Variants in TRIM37 observed in about 807,000 individuals in gnomAD.
TRIM37 encodes the protein E3 ubiquitin-protein ligase TRIM37.
In TRIM37, 80 loss-of-function variants were observed where a neutral mutation model predicts 129.8. That is an observed-to-expected ratio of 0.62 (90% CI 0.51 to 0.74). The LOEUF is 0.74. Ranked by LOEUF, TRIM37 falls within the 30% of genes least tolerant of loss-of-function variation. The pLI is 0.00. For synonymous variants in TRIM37, 389 were observed against 387.1 expected (o/e 1.00, Z -0.06); for missense variants, 1,054 against 1,176.5 (o/e 0.90, Z 1.52).
intron 13 of TRIM37, among the ~76,000 whole-genome samples, chr17:59,053,594 T>C (rs1007470239): frequency 2.0e-5 from 3 of 152,186 alleles, no homozygotes; most frequent in African/African-American, 7.2e-5. Context: ...CAGGAATTTG[T>C]TTCTGTACTA....
intron 22 of TRIM37, among the ~76,000 whole-genome samples, chr17:59,004,377 ATAATC>A (rs1307963537): frequency 5.9e-5 from 9 of 152,146 alleles, no homozygotes; most frequent in Non-Finnish European, 8.8e-5. Context: ...TCTCAAATCA[ATAATC>A]TAAACTACTA....
chr17:59,048,777 C>T (rs929852378), intron 15 of TRIM37, among the ~76,000 whole-genome samples: 2 of 151,996 alleles, frequency 1.3e-5, no homozygotes, highest in African/African-American at 4.8e-5. Flanking sequence ...TTGTATTTTT[C>T]GTAGAGACAG....
intron 19 of TRIM37, among the ~76,000 whole-genome samples, chr17:59,020,577 A>C (rs1567994445): frequency 6.6e-6 from 1 of 152,186 alleles, no homozygotes. Flanking sequence ...GAAGTATGAG[A>C]AAACTACATC....
chr17:59,100,206 T>G (rs912929660), intron 2 of TRIM37, among the ~76,000 whole-genome samples: 1 of 152,180 alleles, frequency 6.6e-6, no homozygotes, highest in Non-Finnish European at 1.5e-5. Flanking sequence ...CTTGGCAATT[T>G]TCAAAATGTT....
intron 2 of TRIM37, among the ~76,000 whole-genome samples, chr17:59,093,374 G>A (rs1222208489): frequency 6.6e-6 from 1 of 152,046 alleles, no homozygotes; most frequent in Non-Finnish European, 1.5e-5. Context: ...CTATAACCCA[G>A]CAAGGTAATG....
At chr17:58,973,223 C>T in the TRIM37 span, among the ~76,000 whole-genome samples, 17 of 152,042 alleles carry the variant, frequency 1.1e-4, no homozygotes, top group East Asian at 1.9e-4. Context: ...CAAGACCAGC[C>T]TGGCCAACAT....
intron 21 of TRIM37, 90 bp from the exon 22 acceptor site, chr17:59,012,536 G>T: frequency 1.1e-6 from 1 of 886,630 alleles, no homozygotes; most frequent in Non-Finnish European, 1.9e-6. Context: ...AACTAAGTAG[G>T]GTACGTGCTC....
At position 59,028,642 on chromosome 17, in the gene TRIM37, C is replaced by T; in HGVS notation, c.2030G>A (p.Arg677Lys). The T allele has an allele frequency of 6.2e-7, 1 of 1,614,190 alleles. No homozygotes were observed. The highest frequency in any genetic ancestry group is 8.5e-7 in the Non-Finnish European group (1 of 1,180,030). ...AACTTCGGCCATTTGAGTTTTGAGT[C>T]TTTTTAGCATCTTTAAATCAGAGGG... ...RVPSDLKMLK[R>K]LKTQMAEVRC... Residue 677 changes from arginine (R) to lysine (K), a missense_variant, in exon 19 of 24, where the codon AGA becomes AAA. Coordinates refer to ENST00000262294, the MANE Select transcript of TRIM37 (RefSeq NM_015294.6).
the TRIM37 span, chr17:58,969,579 A>G: frequency 1.2e-6 from 2 of 1,614,170 alleles, no homozygotes; most frequent in Non-Finnish European, 1.7e-6. Context: ...TTTGATGGCC[A>G]TGGGGGAGTA....
the TRIM37 span, chr17:58,969,484 C>T: frequency 6.5e-7 from 1 of 1,540,082 alleles, no homozygotes; most frequent in South Asian, 1.1e-5. Flanking sequence ...GAGATTGGTT[C>T]ATTTGAATCA....
chr17:58,994,210 GACAC>G (rs144596969), downstream of TRIM37, among the ~76,000 whole-genome samples: 1 of 151,906 alleles, frequency 6.6e-6, no homozygotes, highest in Non-Finnish European at 1.5e-5. Flanking sequence ...CAGTCATAGT[GACAC>G]ACACACACAG....
chr17:58,973,553 G>A, the TRIM37 span, among the ~76,000 whole-genome samples: 4 of 151,910 alleles, frequency 2.6e-5, no homozygotes, highest in South Asian at 4.1e-4. Context: ...AGTGGCTCAC[G>A]CCTGTAATCC....
chr17:59,056,935 C>T lies in TRIM37; in HGVS notation c.1139G>A (p.Arg380His), dbSNP rs1264456708. 8.1e-6 allele frequency: 13 copies of T among 1,613,548 alleles called. No homozygotes were observed. Among genetic ancestry groups the T allele is most frequent in the East Asian group, 2.2e-5 (1 of 44,828 alleles). ...GECWGYNRFFRLDLLANEGYL... is the reference protein window; with the variant it reads ...GECWGYNRFFHLDLLANEGYL... Reference sequence around the variant, plus strand: ...TCCTTCATTTGCGAGTAAGTCCAAACGGAAAAATCTATTATAGCCCCAGCA... The same window carrying T: ...TCCTTCATTTGCGAGTAAGTCCAAATGGAAAAATCTATTATAGCCCCAGCA... Residue 380 changes from arginine (R) to histidine (H), a missense_variant, in exon 13 of 24, where the codon CGT becomes CAT. Physicochemically the swap from Arg to His is conservative, Grantham distance 29. This residue lies in a region of TRIM37 where 752 missense variants were observed against 870.8 expected (regional missense o/e 0.86). Transcript: ENST00000262294.
In TRIM37 at chr17:59,087,971, C is replaced by T; in HGVS notation, c.281+320G>A. 3 of 517,130 alleles carry T rather than the reference C, an allele frequency of 5.8e-6. No individual in the cohort carries two copies. The East Asian group carries it at 9.9e-5, about 17-fold the overall frequency. The allele number at this position is 517,130 out of a possible 1,614,324, so 32.0% of individuals were successfully genotyped here. ...CTTAAATGACTTAACACTGTATTAT[C>T]ACTGTGTCCCCATTAAACAGTTAAC... On this transcript the variant is annotated intron_variant, in intron 4 of 23. Coordinates refer to ENST00000262294, the MANE Select transcript of TRIM37 (RefSeq NM_015294.6).
At chr17:59,097,163 G>A (rs540425991) in intron 2 of TRIM37, among the ~76,000 whole-genome samples, 3 of 152,042 alleles carry the variant, frequency 2.0e-5, no homozygotes, top group Non-Finnish European at 2.9e-5. Context: ...CATAGTCAAC[G>A]ATTCAAAGGC....
intron 21 of TRIM37, 21 bp from the exon 22 acceptor site, chr17:59,012,467 G>A (rs1195233594): frequency 1.4e-6 from 2 of 1,469,078 alleles, no homozygotes; most frequent in South Asian, 2.3e-5. Context: ...AAAACAACTT[G>A]ATATTTCTCT....
At chr17:59,099,648 A>G (rs2045269740) in intron 2 of TRIM37, among the ~76,000 whole-genome samples, 1 of 152,170 alleles carries the variant, frequency 6.6e-6, no homozygotes, top group Non-Finnish European at 1.5e-5. Flanking sequence ...CAACAGAGAA[A>G]CGCTAACTAA....
At chr17:59,001,238 ATTC>A (rs1667362569) in intron 23 of TRIM37, among the ~76,000 whole-genome samples, 1 of 151,742 alleles carries the variant, frequency 6.6e-6, no homozygotes, top group South Asian at 2.1e-4. Flanking sequence ...CACAAAGAAA[ATTC>A]TTCTTTGTTT....
In TRIM37 at chr17:59,015,786, G is replaced by C. The variant is rs1472556210; in HGVS notation, c.2400C>G (p.Ser800Arg). Residue 800 changes from serine (S) to arginine (R), a missense_variant, in exon 21 of 24, where the codon AGC (serine) becomes AGG (arginine). Transcript: ENST00000262294. ...AACTGTGCCTGCTCCCAGACTGAGAGCTTCCTGGGGAGCCTTCAAAAAAAG... is the reference window on the plus strand; with the variant it reads ...AACTGTGCCTGCTCCCAGACTGAGACCTTCCTGGGGAGCCTTCAAAAAAAG... ...CQTLSEGSPGSSQSGSRHSSP... is the reference protein window; with the variant it reads ...CQTLSEGSPGRSQSGSRHSSP... 6.2e-7 allele frequency: 1 copy of C among 1,613,164 alleles called. No individual in the cohort carries two copies. Among genetic ancestry groups the C allele is most frequent in the South Asian group, 1.1e-5 (1 of 91,036 alleles).
Sources: gnomAD v4.1 joint callset for allele counts (sites outside exome capture counted in the v4.1 genomes callset) on GRCh38, gnomAD v4.1.1 for gene constraint, gnomAD v4.1.1 regional missense constraint, MANE v1.5 for transcripts, NCBI Gene and HGNC (gene_info 2026-07-23, HGNC 2026-07-21) for gene names.